The following PAPPA variants were observed in gnomAD, a reference collection of about 807,000 sequenced individuals.
The protein encoded by PAPPA is pappalysin 1.
In PAPPA, 60 loss-of-function variants were observed where a neutral mutation model predicts 164.0. That is an observed-to-expected ratio of 0.37 (90% CI 0.30 to 0.45). PAPPA has a LOEUF of 0.45. Ranked by LOEUF, PAPPA falls within the 20% of genes least tolerant of loss-of-function variation. The probability of loss-of-function intolerance (pLI) is 1.00; values close to 1 mark genes in which losing one functional copy is unlikely to be tolerated. For synonymous variants in PAPPA, 875 were observed against 814.1 expected, an observed-to-expected ratio of 1.07 and a Z score of -1.27; for missense variants, 1,782 against 2,087.3, an observed-to-expected ratio of 0.85 and a Z score of 2.85.
intron 19 of PAPPA, among the ~76,000 whole-genome samples, chr9:116,374,182 A>ATGG (rs572308931): frequency 0.042 from 4,809 of 115,460 alleles, 99 homozygotes; most frequent in African/African-American, 0.07. Flanking sequence ...GATGATGATG[A>ATGG]TGGTGGTGAT....
intron 19 of PAPPA, among the ~76,000 whole-genome samples, chr9:116,374,942 T>A (rs753581575): frequency 2.0e-5 from 3 of 152,278 alleles, no homozygotes; most frequent in African/African-American, 7.2e-5. Flanking sequence ...TTCCCTCATT[T>A]GTATTTGTAT....
intron 1 of PAPPA, among the ~76,000 whole-genome samples, chr9:116,156,336 A>ATATG (rs1843604034): frequency 1.3e-5 from 1 of 75,718 alleles, no homozygotes; most frequent in Non-Finnish European, 3.8e-5. Flanking sequence ...ATATATGTGT[A>ATATG]TATATATATA....
chr9:116,251,716 A>C (rs753251125), intron 7 of PAPPA, among the ~76,000 whole-genome samples: 1 of 152,228 alleles, frequency 6.6e-6, no homozygotes, highest in Non-Finnish European at 1.5e-5. Context: ...TGACCTGTCC[A>C]TCACCAGTAG....
At chr9:116,314,144 T>C (rs1845758594) in intron 10 of PAPPA, among the ~76,000 whole-genome samples, 2 of 138,776 alleles carry the variant, frequency 1.4e-5, no homozygotes, top group African/African-American at 5.3e-5. Flanking sequence ...CAATCTTGGC[T>C]CACTGCAGCC....
intron 20 of PAPPA, among the ~76,000 whole-genome samples, chr9:116,381,523 T>G (rs1476579332): frequency 6.6e-6 from 1 of 152,234 alleles, no homozygotes; most frequent in Non-Finnish European, 1.5e-5. Context: ...GACTTTCCCC[T>G]AATAAGGCTC....
At chr9:116,160,611 T>G (rs537762353) in intron 1 of PAPPA, among the ~76,000 whole-genome samples, 1 of 152,326 alleles carries the variant, frequency 6.6e-6, no homozygotes, top group East Asian at 1.9e-4. Context: ...ACTAGAGGAC[T>G]CCCTCTATGG....
chr9:116,315,365 G>A (rs1845775312), intron 10 of PAPPA, among the ~76,000 whole-genome samples: 2 of 152,216 alleles, frequency 1.3e-5, no homozygotes, highest in Non-Finnish European at 2.9e-5. Flanking sequence ...TCACTGCACA[G>A]TGAGAAGGGT....
chr9:116,216,084 A>C (rs1286891940), intron 4 of PAPPA, among the ~76,000 whole-genome samples: 1 of 152,190 alleles, frequency 6.6e-6, no homozygotes, highest in East Asian at 1.9e-4. Flanking sequence ...TGAAGTTTTT[A>C]TTATAAAATT....
intron 21 of PAPPA, among the ~76,000 whole-genome samples, chr9:116,389,926 TA>T (rs959620001): frequency 1.3e-5 from 2 of 152,204 alleles, no homozygotes; most frequent in African/African-American, 4.8e-5. Context: ...AATGCAGAAT[TA>T]ATGAGGATAA....
At chr9:116,181,820 G>A (rs1843908860) in intron 1 of PAPPA, among the ~76,000 whole-genome samples, 1 of 152,224 alleles carries the variant, frequency 6.6e-6, no homozygotes, top group Non-Finnish European at 1.5e-5. Context: ...CTAGCGAAGT[G>A]GGCTGAGCCC....
intron 1 of PAPPA, among the ~76,000 whole-genome samples, chr9:116,168,347 G>C (rs1843738308): frequency 6.6e-6 from 1 of 152,284 alleles, no homozygotes; most frequent in Non-Finnish European, 1.5e-5. Flanking sequence ...ACAAGGCATA[G>C]TTCCATGCCT....
At chr9:116,228,701 C>T (rs529827165) in intron 6 of PAPPA, among the ~76,000 whole-genome samples, 31 of 152,186 alleles carry the variant, frequency 2.0e-4, no homozygotes, top group Non-Finnish European at 4.1e-4. Flanking sequence ...CTCACAGAAT[C>T]ACAGGCTGTC....
chr9:116,198,770 A>G (rs1844136171), intron 2 of PAPPA, among the ~76,000 whole-genome samples: 1 of 152,248 alleles, frequency 6.6e-6, no homozygotes, highest in East Asian at 1.9e-4. Flanking sequence ...TCCAAAAGGT[A>G]AATGAGAAAA....
At chr9:116,344,418 C>T (rs565212280) in intron 13 of PAPPA, 125 bp from the exon 14 acceptor site, 4 of 917,826 alleles carry the variant, frequency 4.4e-6, no homozygotes, top group Admixed American at 2.3e-5. Context: ...GCCAGCACCC[C>T]TTTCTGTCCT....
chr9:116,319,716 C>A (rs58051769), intron 10 of PAPPA, among the ~76,000 whole-genome samples: 1 of 152,090 alleles, frequency 6.6e-6, no homozygotes, highest in Non-Finnish European at 1.5e-5. Context: ...GGAGATAGAA[C>A]TGAAGTAACA....
chr9:116,361,128 G>A (rs922572884), intron 17 of PAPPA, among the ~76,000 whole-genome samples: 16 of 152,212 alleles, frequency 1.1e-4, no homozygotes, highest in African/African-American at 2.4e-5. Flanking sequence ...TGGAGAATTA[G>A]GCAGAATTAA....
intron 1 of PAPPA, among the ~76,000 whole-genome samples, chr9:116,156,048 T>C (rs555457589): frequency 6.6e-6 from 1 of 151,890 alleles, no homozygotes; most frequent in East Asian, 1.9e-4. Flanking sequence ...TTTAGAGCTG[T>C]AGTATGTTGA....
intron 18 of PAPPA, 105 bp from the exon 19 acceptor site, chr9:116,367,540 G>C (rs1588022825): frequency 1.3e-6 from 1 of 783,270 alleles, no homozygotes; most frequent in South Asian, 1.6e-5. Flanking sequence ...GGGTAGCTGA[G>C]TCCACCAGGG....
At position 116,211,932 on chromosome 9, in the gene PAPPA, G is replaced by GGTAGGACCCTACAGAGT; in HGVS notation, c.1918+5_1918+6insACCCTACAGAGTGTAGG. 1 of 1,613,572 alleles carries GGTAGGACCCTACAGAGT rather than the reference G, an allele frequency of 6.2e-7. No homozygotes were observed. Among genetic ancestry groups the GGTAGGACCCTACAGAGT allele is most frequent in the Non-Finnish European group, 8.5e-7 (1 of 1,179,626 alleles). ...TTACAACAACTTCATGAGCTATGCAGGTAGGGCCCTACACTCTGTAGGGTG... is the reference window on the plus strand; with the variant it reads ...TTACAACAACTTCATGAGCTATGCAGGTAGGACCCTACAGAGTGTAGGGCCCTACACTCTGTAGGGTG... On this transcript the variant is annotated frameshift_variant and splice_region_variant. Coordinates refer to ENST00000328252, the MANE Select transcript of PAPPA (RefSeq NM_002581.5). LOFTEE classifies it high-confidence loss of function.
Sources: allele counts gnomAD v4.1 joint callset (sites outside exome capture counted in the v4.1 genomes callset), GRCh38; gene constraint gnomAD v4.1.1; transcripts MANE v1.5; gene names NCBI Gene and HGNC (gene_info 2026-07-23, HGNC 2026-07-21).